Variants in AGBL1 observed in about 807,000 individuals in gnomAD.
The protein encoded by AGBL1 is AGBL carboxypeptidase 1, also known as cytosolic carboxypeptidase 4.
AGBL1 carries 130 observed loss-of-function variants against 118.9 expected under a neutral mutation model. The observed-to-expected ratio is 1.09, with a 90% confidence interval of 0.95 to 1.26. The LOEUF is 1.26. Ranked by LOEUF, AGBL1 falls within the 50% of genes most tolerant of loss-of-function variation. AGBL1 has a pLI of 0.00. For missense variants in AGBL1, 1,584 were observed against 1,298.1 expected, an observed-to-expected ratio of 1.22 and a Z score of -3.38; for synonymous variants, 555 against 478.9, an observed-to-expected ratio of 1.16 and a Z score of -2.08.
chr15:86,614,242 C>T (rs74027323), intron 21 of AGBL1, among the ~76,000 whole-genome samples: 2,188 of 152,122 alleles, frequency 0.014, 62 homozygotes, highest in African/African-American at 0.05. Flanking sequence ...ATTTACTGAC[C>T]CTGGGGCTCT....
At chr15:86,551,838 A>T (rs148318012) in intron 20 of AGBL1, among the ~76,000 whole-genome samples, 1 of 152,276 alleles carries the variant, frequency 6.6e-6, no homozygotes, top group African/African-American at 2.4e-5. Context: ...CCATGAAGAG[A>T]CACGGAAGAA....
chr15:86,321,690 T>C (rs1236860590), intron 17 of AGBL1, among the ~76,000 whole-genome samples: 1 of 152,010 alleles, frequency 6.6e-6, no homozygotes, highest in African/African-American at 2.4e-5. Context: ...GTCAGGAGAA[T>C]TGCTTGAACT....
At chr15:86,424,014 C>T (rs1289450334) in intron 18 of AGBL1, among the ~76,000 whole-genome samples, 1 of 152,144 alleles carries the variant, frequency 6.6e-6, no homozygotes, top group Non-Finnish European at 1.5e-5. Context: ...ACTTTCTTCA[C>T]AGAATTAGAA....
At chr15:86,370,164 G>A (rs2080950628) in intron 17 of AGBL1, among the ~76,000 whole-genome samples, 1 of 152,060 alleles carries the variant, frequency 6.6e-6, no homozygotes, top group Non-Finnish European at 1.5e-5. Context: ...AACATATGAG[G>A]TGTAGCTAAA....
At chr15:86,761,259 A>C (rs1179375666) in intron 22 of AGBL1, among the ~76,000 whole-genome samples, 1 of 152,096 alleles carries the variant, frequency 6.6e-6, no homozygotes, top group Non-Finnish European at 1.5e-5. Flanking sequence ...TATGCCAAGC[A>C]CTGACTCTAA....
In AGBL1 at chr15:86,895,052, TCTTTCTTTTATCTTCCCTCCTTCC is replaced by T. The variant is rs1171783901; in HGVS notation, c.3159-12001_3159-11978del. On this transcript the variant is annotated intron_variant, in intron 22 of 22. Coordinates refer to ENST00000614907, the MANE Select transcript of AGBL1 (RefSeq NM_001386094.1). Reference sequence around the variant, plus strand: ...TTCATATCCATCCCCTTTTGTTCCTTCTTTCTTTTATCTTCCCTCCTTCCCTTTCTTTTATCTTCCCTCCTTCCC... The same window carrying T: ...TTCATATCCATCCCCTTTTGTTCCTTCTTTCTTTTATCTTCCCTCCTTCCC... Among the ~76,000 whole-genome samples, 262 of 145,798 alleles carry T rather than the reference TCTTTCTTTTATCTTCCCTCCTTCC, an allele frequency of 1.8e-3. 1 individual carries two copies. Among genetic ancestry groups the T allele is most frequent in the African/African-American group, 4.0e-3 (159 of 39,278 alleles).
At chr15:86,467,121 C>T (rs763318552) in intron 18 of AGBL1, among the ~76,000 whole-genome samples, 15 of 152,224 alleles carry the variant, frequency 9.9e-5, no homozygotes, top group Admixed American at 2.0e-4. Flanking sequence ...GGAGTTTTGT[C>T]TTTAAGCCCT....
chr15:86,543,808 C>T (rs987687683), intron 19 of AGBL1, among the ~76,000 whole-genome samples: 2 of 152,212 alleles, frequency 1.3e-5, no homozygotes, highest in African/African-American at 2.4e-5. Flanking sequence ...CCAGCAACTG[C>T]TATATCCATC....
At chr15:86,902,694 G>C (rs554985450) in intron 22 of AGBL1, among the ~76,000 whole-genome samples, 3 of 152,252 alleles carry the variant, frequency 2.0e-5, no homozygotes, top group African/African-American at 7.2e-5. Flanking sequence ...TAGGTTGTCA[G>C]TTCTTTGCTT....
rs138153349 is a variant in AGBL1 at position 86,187,744 on chromosome 15, C to T, written c.488+28718C>T. Among the ~76,000 whole-genome samples the T allele has an allele frequency of 3.7e-3, 561 of 152,314 alleles. 8 individuals are homozygous for T. The highest frequency in any genetic ancestry group is 0.014 in the Middle Eastern group (4 of 294). ...ATATACAGGTCACATGTGACTATGA[C>T]TTTCACTGCTCAACCAATGCACTAT... On this transcript the variant is annotated intron_variant, in intron 5 of 22. Transcript: ENST00000614907.
intron 18 of AGBL1, among the ~76,000 whole-genome samples, chr15:86,460,436 C>T (rs1437924736): frequency 6.6e-6 from 1 of 151,080 alleles, no homozygotes; most frequent in Non-Finnish European, 1.5e-5. Context: ...TTTGAGGTTG[C>T]AGTGAGCAAT....
chr15:86,540,124 T>A (rs1255348439), intron 19 of AGBL1, among the ~76,000 whole-genome samples: 1 of 152,212 alleles, frequency 6.6e-6, no homozygotes, highest in Non-Finnish European at 1.5e-5. Context: ...TACTTCACCA[T>A]GGGATAATCT....
intron 22 of AGBL1, among the ~76,000 whole-genome samples, chr15:86,715,068 C>T (rs574960437): frequency 6.6e-6 from 1 of 152,284 alleles, no homozygotes; most frequent in East Asian, 1.9e-4. Context: ...TTTGCTGGCC[C>T]AGACGTGGGA....
chr15:87,020,983 T>C (rs2081658644), intron 24 of AGBL1, among the ~76,000 whole-genome samples: 2 of 151,998 alleles, frequency 1.3e-5, no homozygotes, highest in Non-Finnish European at 2.9e-5. Flanking sequence ...TTTACAGAAT[T>C]AATTAGAAAA....
At chr15:86,920,627 A>T (rs2080473721), downstream of AGBL1, among the ~76,000 whole-genome samples, 1 of 152,220 alleles carries the variant, frequency 6.6e-6, no homozygotes, top group Non-Finnish European at 1.5e-5. Flanking sequence ...TGCTAGGAAC[A>T]GTTTAAGCAT....
At chr15:86,749,462 G>A (rs12438868) in intron 22 of AGBL1, among the ~76,000 whole-genome samples, 80,238 of 151,388 alleles carry the variant, frequency 0.53, 21,432 homozygotes, top group Middle Eastern at 0.58. Context: ...GCAAACAGGG[G>A]CAATTTGACT....
At chr15:86,337,925 A>G (rs2080399514) in intron 17 of AGBL1, among the ~76,000 whole-genome samples, 2 of 152,226 alleles carry the variant, frequency 1.3e-5, no homozygotes. Flanking sequence ...ATTTTAATTC[A>G]TTCATTTACC....
At chr15:86,872,709 T>C (rs1264808765) in intron 22 of AGBL1, among the ~76,000 whole-genome samples, 1 of 152,166 alleles carries the variant, frequency 6.6e-6, no homozygotes, top group Non-Finnish European at 1.5e-5. Flanking sequence ...TGAGCTGAGA[T>C]AGAGCCACTG....
chr15:86,966,939 C>A (rs1056659796), intron 23 of AGBL1, among the ~76,000 whole-genome samples: 2 of 152,086 alleles, frequency 1.3e-5, no homozygotes, highest in Non-Finnish European at 2.9e-5. Flanking sequence ...TACAGTCCCA[C>A]CAACAGTGTA....
Sources: gnomAD v4.1 joint callset for allele counts (sites outside exome capture counted in the v4.1 genomes callset) on GRCh38, gnomAD v4.1.1 for gene constraint, MANE v1.5 for transcripts, NCBI Gene and HGNC (gene_info 2026-07-23, HGNC 2026-07-21) for gene names.